LSAMP: variants seen among roughly 807,000 people sequenced by gnomAD.
The protein encoded by LSAMP is limbic system associated membrane protein, also known as limbic system-associated membrane protein.
In LSAMP, 7 loss-of-function variants were observed where a neutral mutation model predicts 38.6. The ratio of observed to expected loss-of-function variants is 0.18; its 90% confidence interval spans 0.10 to 0.34. The LOEUF (loss-of-function observed/expected upper bound fraction) is 0.34, where lower values mean the gene tolerates loss of function less well. Ranked by LOEUF, LSAMP falls within the 10% of genes least tolerant of loss-of-function variation. The pLI, the probability that LSAMP is intolerant of heterozygous loss-of-function variation, is 1.00. For synonymous variants in LSAMP, 154 were observed against 166.8 expected (o/e 0.92, Z 0.59); for missense variants, 313 against 420.0 (o/e 0.75, Z 2.23).
intron 1 of LSAMP, among the ~76,000 whole-genome samples, chr3:116,422,206 T>C (rs1195345262): frequency 2.0e-5 from 3 of 152,234 alleles, no homozygotes; most frequent in Non-Finnish European, 4.4e-5. Flanking sequence ...TGATTCTATT[T>C]ATATGAAGTG....
At chr3:116,411,278 A>G (rs2048973007) in intron 1 of LSAMP, among the ~76,000 whole-genome samples, 1 of 152,100 alleles carries the variant, frequency 6.6e-6, no homozygotes, top group African/African-American at 2.4e-5. Context: ...ATTACTGGGT[A>G]TATACCCAAA....
intron 1 of LSAMP, among the ~76,000 whole-genome samples, chr3:116,168,383 C>A (rs998753215): frequency 5.3e-5 from 8 of 152,120 alleles, no homozygotes; most frequent in African/African-American, 9.6e-5. Flanking sequence ...GAAAAAAAAA[C>A]CCATCATTTT....
chr3:116,015,815 C>T (rs916920802), intron 3 of LSAMP, among the ~76,000 whole-genome samples: 5 of 152,066 alleles, frequency 3.3e-5, no homozygotes, highest in East Asian at 1.9e-4. Flanking sequence ...TAAAAATATA[C>T]CATGCATATT....
chr3:116,214,585 C>A (rs1211337959), intron 1 of LSAMP, among the ~76,000 whole-genome samples: 2 of 149,430 alleles, frequency 1.3e-5, no homozygotes, highest in African/African-American at 2.5e-5. Context: ...CTGACTGCAA[C>A]CTCTGCCTCC....
At chr3:116,257,865 G>C (rs1381071) in intron 1 of LSAMP, among the ~76,000 whole-genome samples, 147,511 of 152,224 alleles carry the variant, frequency 0.97, 71,647 homozygotes, top group Middle Eastern at 1. Context: ...TTGCACTTCC[G>C]TTATTGAAAT....
At chr3:116,134,495 C>T (rs1387511482) in intron 1 of LSAMP, among the ~76,000 whole-genome samples, 2 of 152,192 alleles carry the variant, frequency 1.3e-5, no homozygotes, top group African/African-American at 2.4e-5. Context: ...ATGACCTTGC[C>T]TTTAAGTCAT....
At chr3:116,208,868 G>A (rs1047711229) in intron 1 of LSAMP, among the ~76,000 whole-genome samples, 44 of 152,316 alleles carry the variant, frequency 2.9e-4, no homozygotes, top group African/African-American at 1.0e-3. Context: ...TCTGTGCCCT[G>A]CCCCCAGAGG....
rs71141862 is a variant in LSAMP at position 116,221,150 on chromosome 3, C to CAAAAAAAAAAAAA, written c.156-134607_156-134595dup. Among the ~76,000 whole-genome samples, 25 of 53,182 alleles carry CAAAAAAAAAAAAA rather than the reference C, an allele frequency of 4.7e-4. 5 individuals carry two copies. Among genetic ancestry groups the CAAAAAAAAAAAAA allele is most frequent in the Non-Finnish European group, 6.4e-4 (20 of 31,312 alleles). 34.9% of individuals were successfully genotyped at this position (53,182 alleles called of 152,430 possible). A position where few individuals can be genotyped will look rare whatever the true frequency, so the allele number is the denominator to read the frequency against. ...TGTGTGACAGAGCGAGACTCTGTCT[C>CAAAAAAAAAAAAA]AAAAAAAAAAAAAAAAAAAAGGAAA... On this transcript the variant is annotated intron_variant, in intron 1 of 6. Coordinates refer to ENST00000490035, the MANE Select transcript of LSAMP (RefSeq NM_002338.5).
At chr3:115,893,299 A>G (rs1401052218) in intron 3 of LSAMP, among the ~76,000 whole-genome samples, 1 of 150,390 alleles carries the variant, frequency 6.6e-6, no homozygotes, top group Non-Finnish European at 1.5e-5. Context: ...AGTATAATAA[A>G]GAAATCAACA....
chr3:115,922,530 T>G (rs1937406583), intron 3 of LSAMP, among the ~76,000 whole-genome samples: 1 of 152,182 alleles, frequency 6.6e-6, no homozygotes, highest in Non-Finnish European at 1.5e-5. Context: ...CTTTGTCAGG[T>G]GATTCATATA....
chr3:115,862,194 CA>C (rs1249418057), intron 3 of LSAMP, among the ~76,000 whole-genome samples: 1 of 152,106 alleles, frequency 6.6e-6, no homozygotes, highest in Non-Finnish European at 1.5e-5. Flanking sequence ...GGGGTATTAC[CA>C]GACCTGTTAT....
chr3:116,281,340 G>C (rs143520631), intron 1 of LSAMP, among the ~76,000 whole-genome samples: 163 of 152,246 alleles, frequency 1.1e-3, no homozygotes, highest in African/African-American at 3.7e-3. Context: ...AAAGAGAAGT[G>C]CTTATTAGAA....
intron 1 of LSAMP, among the ~76,000 whole-genome samples, chr3:116,102,006 G>A (rs1215406913): frequency 1.3e-5 from 2 of 152,142 alleles, no homozygotes; most frequent in African/African-American, 4.8e-5. Context: ...ATCTATTGAA[G>A]CAGGTTAATT....
chr3:115,859,400 C>T (rs55824515), intron 3 of LSAMP, among the ~76,000 whole-genome samples: 23,762 of 151,780 alleles, frequency 0.16, 2,310 homozygotes, highest in Middle Eastern at 0.23. Context: ...ATAATGAGAA[C>T]GATTTTAGGG....
intron 3 of LSAMP, among the ~76,000 whole-genome samples, chr3:116,017,758 A>G (rs1940524960): frequency 6.6e-6 from 1 of 152,214 alleles, no homozygotes; most frequent in Non-Finnish European, 1.5e-5. Flanking sequence ...AAAACAAAAC[A>G]AATTTCCTCA....
chr3:116,126,798 G>C (rs890057451), intron 1 of LSAMP, among the ~76,000 whole-genome samples: 2 of 152,128 alleles, frequency 1.3e-5, no homozygotes, highest in Non-Finnish European at 2.9e-5. Flanking sequence ...GGAGACCAAG[G>C]TTGCAGTGAG....
chr3:116,313,707 A>T (rs550472450), intron 1 of LSAMP, among the ~76,000 whole-genome samples: 1 of 152,342 alleles, frequency 6.6e-6, no homozygotes, highest in African/African-American at 2.4e-5. Context: ...TCATCCCAGT[A>T]CTTTGGGAGG....
chr3:116,165,182 CT>C (rs34759196), intron 1 of LSAMP, among the ~76,000 whole-genome samples: 4,633 of 152,324 alleles, frequency 0.03, 79 homozygotes, highest in Non-Finnish European at 0.045. Flanking sequence ...CACCCTTTGC[CT>C]GTGGGCAGGA....
chr3:116,316,543 C>G (rs557949619), intron 1 of LSAMP, among the ~76,000 whole-genome samples: 1 of 151,994 alleles, frequency 6.6e-6, no homozygotes. Flanking sequence ...GAGACCGAGG[C>G]GGGTAGATCA....
Sources: allele counts gnomAD v4.1 joint callset (sites outside exome capture counted in the v4.1 genomes callset), GRCh38; gene constraint gnomAD v4.1.1; transcripts MANE v1.5; gene names NCBI Gene and HGNC (gene_info 2026-07-23, HGNC 2026-07-21).